Variants in NDUFAF7 observed in about 807,000 individuals in gnomAD.
The protein encoded by NDUFAF7 is NADH:ubiquinone oxidoreductase complex assembly factor 7, also known as protein arginine methyltransferase NDUFAF7, mitochondrial.
Under a neutral mutation model 47.2 loss-of-function variants are expected in NDUFAF7, and 48 were observed. That is an observed-to-expected ratio of 1.02 (90% CI 0.81 to 1.29). The LOEUF (loss-of-function observed/expected upper bound fraction) is 1.29, where lower values mean the gene tolerates loss of function less well. Among genes scored for constraint, NDUFAF7 ranks in the 50% most tolerant of loss-of-function variants. The pLI is 0.00. For synonymous variants in NDUFAF7, 217 were observed against 190.0 expected (o/e 1.14, Z -1.17); for missense variants, 635 against 537.6 (o/e 1.18, Z -1.79).
chr2:37,240,567 C>T (rs948261775), intron 4 of NDUFAF7, among the ~76,000 whole-genome samples: 3 of 151,872 alleles, frequency 2.0e-5, no homozygotes, highest in East Asian at 1.9e-4. Flanking sequence ...AGAAAGAAAA[C>T]AAAATCACGA....
At chr2:37,239,404 C>T (rs1034150370) in intron 4 of NDUFAF7, among the ~76,000 whole-genome samples, 3 of 152,152 alleles carry the variant, frequency 2.0e-5, no homozygotes, top group African/African-American at 7.2e-5. Context: ...CAGGCATGAG[C>T]CCCCGTACCC....
At position 37,248,120 on chromosome 2, in the gene NDUFAF7, T is replaced by A. The variant is rs1284492007; in HGVS notation, c.1111-15T>A. The stretch of plus-strand genomic sequence containing the variant: ...GTCTTCTGGTTATTTTTGCTAAGAA[T>A]TTTTTTCTTTTCAGGTTCTTTTAGA... On this transcript the variant is annotated splice_polypyrimidine_tract_variant and intron_variant, in intron 9 of 9. Coordinates refer to ENST00000002125, the MANE Select transcript of NDUFAF7 (RefSeq NM_144736.5). The A allele has an allele frequency of 1.9e-6, 3 of 1,595,770 alleles. No individual in the cohort carries two copies. The highest frequency in any genetic ancestry group is 2.6e-6 in the Non-Finnish European group (3 of 1,164,638).
chr2:37,247,006 G>T (rs1309190434), intron 8 of NDUFAF7, among the ~76,000 whole-genome samples: 1 of 152,126 alleles, frequency 6.6e-6, no homozygotes, highest in Middle Eastern at 3.2e-3. Flanking sequence ...CAGGTGGCAA[G>T]CATAGTACTC....
downstream of NDUFAF7, chr2:37,249,169 T>C (rs1010020738): frequency 1.3e-5 from 2 of 152,182 alleles, no homozygotes; most frequent in African/African-American, 4.8e-5. Context: ...AATACACTAG[T>C]GTACACTGGT....
At chr2:37,244,658 T>A (rs189052552) in intron 7 of NDUFAF7, among the ~76,000 whole-genome samples, 59 of 152,278 alleles carry the variant, frequency 3.9e-4, no homozygotes, top group African/African-American at 1.3e-3. Context: ...AGAAGATGAT[T>A]TTTACTTTCT....
At chr2:37,255,452 C>G (rs1000263070), downstream of NDUFAF7, among the ~76,000 whole-genome samples, 1 of 152,122 alleles carries the variant, frequency 6.6e-6, no homozygotes, top group African/African-American at 2.4e-5. Context: ...TATCAGCAGA[C>G]TAAAGAGGGC....
chr2:37,244,905 T>C (rs1312905901), intron 7 of NDUFAF7, among the ~76,000 whole-genome samples: 1 of 152,106 alleles, frequency 6.6e-6, no homozygotes, highest in African/African-American at 2.4e-5. Context: ...TTGACCTAAT[T>C]AGTATTCACT....
the NDUFAF7 span, among the ~76,000 whole-genome samples, chr2:37,270,662 T>C: frequency 2.6e-5 from 4 of 152,224 alleles, no homozygotes; most frequent in Admixed American, 6.5e-5. Flanking sequence ...GCCTCAGCCC[T>C]GCAGCAAAAG....
chr2:37,270,888 G>A, the NDUFAF7 span, among the ~76,000 whole-genome samples: 1 of 152,142 alleles, frequency 6.6e-6, no homozygotes, highest in Non-Finnish European at 1.5e-5. Flanking sequence ...AGCCAATTCT[G>A]AATCCTTTTC....
the NDUFAF7 span, chr2:37,259,716 G>A: frequency 1.4e-6 from 2 of 1,468,414 alleles, no homozygotes; most frequent in Non-Finnish European, 1.9e-6. Flanking sequence ...TCAATGTCTG[G>A]AAAATCACAA....
At chr2:37,262,900 C>G in the NDUFAF7 span, among the ~76,000 whole-genome samples, 4 of 147,490 alleles carry the variant, frequency 2.7e-5, no homozygotes, top group African/African-American at 7.5e-5. Context: ...TTCCTTCCCC[C>G]CCCCGTATTT....
chr2:37,247,654 T>TATA, intron 9 of NDUFAF7, 25 bp downstream of exon 9: 1 of 1,611,218 alleles, frequency 6.2e-7, no homozygotes, highest in South Asian at 1.1e-5. Flanking sequence ...ATTTCACTGT[T>TATA]ATTAAGTACT....
chr2:37,255,567 G>A (rs1667864455), downstream of NDUFAF7, among the ~76,000 whole-genome samples: 1 of 152,172 alleles, frequency 6.6e-6, no homozygotes, highest in South Asian at 2.1e-4. Context: ...GAGGTCCACA[G>A]GAGAGAGGAA....
rs1407788226 is a variant in NDUFAF7 at position 37,248,074 on chromosome 2, C to T, written c.1111-61C>T. On this transcript the variant is annotated intron_variant, in intron 9 of 9. Coordinates refer to ENST00000002125, the MANE Select transcript of NDUFAF7 (RefSeq NM_144736.5). ...GAATATTTGAGAGTCATTAGTATTG[C>T]TGCATGTAACTAGGAATCCTGTCTT... 14 of 1,311,160 alleles carry T rather than the reference C, an allele frequency of 1.1e-5. No individual in the cohort carries two copies. The South Asian group carries it at 1.2e-4, about 12-fold the overall frequency. 81.2% of individuals were successfully genotyped at this position (1,311,160 alleles called of 1,614,324 possible).
chr2:37,233,250 G>A (rs1166325228), intron 2 of NDUFAF7, among the ~76,000 whole-genome samples: 1 of 151,982 alleles, frequency 6.6e-6, no homozygotes, highest in African/African-American at 2.4e-5. Flanking sequence ...TAGGGAGAGG[G>A]CCTACACCAG....
downstream of NDUFAF7, among the ~76,000 whole-genome samples, chr2:37,249,641 G>GACACACACACACACAC (rs1452256080): frequency 1.7e-5 from 1 of 59,556 alleles, no homozygotes; most frequent in Non-Finnish European, 2.8e-5. Context: ...GCCTGTGATA[G>GACACACACACACACAC]AGACACACAC....
the NDUFAF7 span, chr2:37,267,383 T>G: frequency 7.6e-7 from 1 of 1,322,158 alleles, no homozygotes; most frequent in Non-Finnish European, 1.1e-6. Flanking sequence ...TAATTCAGAT[T>G]CTTACCAGCC....
chr2:37,241,837 C>G (rs777365578), intron 5 of NDUFAF7, 46 bp downstream of exon 5: 1 of 1,541,166 alleles, frequency 6.5e-7, no homozygotes, highest in East Asian at 2.2e-5. Context: ...GATCACAACC[C>G]TCACAGTATT....
intron 4 of NDUFAF7, among the ~76,000 whole-genome samples, chr2:37,239,118 CTTTTTT>C (rs368415833): frequency 1.5e-5 from 2 of 133,092 alleles, no homozygotes; most frequent in Admixed American, 7.8e-5. Flanking sequence ...TTTTCTTTCT[CTTTTTT>C]TTTTTTTTTT....
Sources: allele counts gnomAD v4.1 joint callset (sites outside exome capture counted in the v4.1 genomes callset), GRCh38; gene constraint gnomAD v4.1.1; transcripts MANE v1.5; gene names NCBI Gene and HGNC (gene_info 2026-07-23, HGNC 2026-07-21).